The following PSMD14 variants were observed in gnomAD, a reference collection of about 807,000 sequenced individuals.
PSMD14 encodes the protein proteasome 26S subunit, non-ATPase 14.
A neutral mutation model predicts 41.2 loss-of-function variants in PSMD14; 7 were observed. The ratio of observed to expected loss-of-function variants is 0.17; its 90% CI spans 0.10 to 0.32. The LOEUF (loss-of-function observed/expected upper bound fraction) is 0.32, where lower values mean the gene tolerates loss of function less well. Among genes scored for constraint, PSMD14 ranks in the 10% least tolerant of loss-of-function variants. PSMD14 has a pLI of 1.00. For synonymous variants in PSMD14, 114 were observed against 122.3 expected (o/e 0.93, Z 0.45); for missense variants, 139 against 375.6 (o/e 0.37, Z 5.21).
intron 3 of PSMD14, among the ~76,000 whole-genome samples, chr2:161,327,229 G>A (rs1002314495): frequency 2.6e-5 from 4 of 152,152 alleles, no homozygotes; most frequent in Admixed American, 2.6e-4. Flanking sequence ...AGAATAGGGA[G>A]TTATTGTTTA....
intron 7 of PSMD14, among the ~76,000 whole-genome samples, chr2:161,379,346 G>A (rs1683544624): frequency 6.6e-6 from 1 of 151,974 alleles, no homozygotes; most frequent in Admixed American, 6.6e-5. Flanking sequence ...TCACTTGTGA[G>A]TGTAGAAACA....
intron 7 of PSMD14, chr2:161,381,650 C>G (rs1012381575): frequency 2.6e-5 from 4 of 151,698 alleles, no homozygotes; most frequent in African/African-American, 9.7e-5. Flanking sequence ...AAATAAATAG[C>G]ATATTGGATG....
intron 7 of PSMD14, among the ~76,000 whole-genome samples, chr2:161,376,183 C>T (rs1683500554): frequency 6.6e-6 from 1 of 150,582 alleles, no homozygotes; most frequent in Non-Finnish European, 1.5e-5. Context: ...AGGGGTCAGG[C>T]CTGCATTAAA....
At chr2:161,365,952 C>A (rs925615246) in intron 3 of PSMD14, among the ~76,000 whole-genome samples, 1 of 152,170 alleles carries the variant, frequency 6.6e-6, no homozygotes, top group African/African-American at 2.4e-5. Flanking sequence ...CTACTTCCCC[C>A]AAACCTCTCA....
At chr2:161,313,706 A>T (rs1364597168) in intron 1 of PSMD14, among the ~76,000 whole-genome samples, 1 of 152,220 alleles carries the variant, frequency 6.6e-6, no homozygotes, top group Non-Finnish European at 1.5e-5. Context: ...ATATCTTCAT[A>T]TATCATCCTT....
At chr2:161,367,337 A>G (rs745896083) in intron 3 of PSMD14, 141 bp from the exon 4 acceptor site, 3 of 641,508 alleles carry the variant, frequency 4.7e-6, no homozygotes, top group Non-Finnish European at 8.0e-6. Flanking sequence ...TGTTTTGATT[A>G]TGTCATAGCC....
intron 3 of PSMD14, among the ~76,000 whole-genome samples, chr2:161,345,480 C>T (rs182505452): frequency 6.6e-6 from 1 of 152,014 alleles, no homozygotes; most frequent in Admixed American, 6.5e-5. Context: ...TGACCTCAAG[C>T]AATCTGCCGA....
intron 3 of PSMD14, among the ~76,000 whole-genome samples, chr2:161,328,821 A>G (rs900522053): frequency 6.6e-5 from 10 of 152,170 alleles, no homozygotes; most frequent in Admixed American, 5.9e-4. Context: ...AGGAACTTCA[A>G]CTTTATAATG....
chr2:161,394,542 AATTC>A (rs1380264541), intron 9 of PSMD14, among the ~76,000 whole-genome samples: 6 of 152,252 alleles, frequency 3.9e-5, no homozygotes, highest in African/African-American at 9.6e-5. Context: ...AAATTTCATT[AATTC>A]ATTCATTCAT....
chr2:161,380,978 T>C (rs757223041), intron 7 of PSMD14, among the ~76,000 whole-genome samples: 5 of 152,010 alleles, frequency 3.3e-5, no homozygotes, highest in Non-Finnish European at 7.4e-5. Context: ...ATAAAGAGTA[T>C]TGGATATGGG....
intron 7 of PSMD14, among the ~76,000 whole-genome samples, chr2:161,377,037 C>T (rs1683511723): frequency 1.4e-5 from 2 of 146,314 alleles, no homozygotes; most frequent in Non-Finnish European, 3.0e-5. Context: ...AGCCAGTTTA[C>T]TCATGGACAT....
chr2:161,362,581 G>A (rs1018783131), intron 3 of PSMD14, among the ~76,000 whole-genome samples: 1 of 152,184 alleles, frequency 6.6e-6, no homozygotes, highest in African/African-American at 2.4e-5. Flanking sequence ...TACACATTTA[G>A]TAATGTATTT....
intron 3 of PSMD14, among the ~76,000 whole-genome samples, chr2:161,326,734 CCT>C (rs1393668564): frequency 6.6e-6 from 1 of 152,042 alleles, no homozygotes; most frequent in African/African-American, 2.4e-5. Flanking sequence ...GATTCTCGGA[CCT>C]CTGATGATAC....
At chr2:161,351,182 A>G (rs1683113744) in intron 3 of PSMD14, among the ~76,000 whole-genome samples, 1 of 152,204 alleles carries the variant, frequency 6.6e-6, no homozygotes, top group African/African-American at 2.4e-5. Context: ...AGAGAAGTCC[A>G]CCTATACCTT....
Position 161,371,226 on chromosome 2 carries a change from T to G in PSMD14, c.366T>G (p.Leu122=), listed in dbSNP as rs147288033. ...YHSHPGFGCW[L]SGVDINTQQS... ...GTCACCCTGGCTTTGGTTGTTGGCT[T>G]TCTGGTGTGGATATCAACACTCAGC... Residue 122 remains leucine (L), a synonymous_variant, in exon 7 of 12, where the codon CTT becomes CTG. Transcript: ENST00000409682. 373 of 1,612,768 alleles carry G rather than the reference T, an allele frequency of 2.3e-4. 1 individual carries two copies. The African/African-American group carries it at 4.2e-3, about 18-fold the overall frequency.
chr2:161,353,408 A>T (rs531676464), intron 3 of PSMD14, among the ~76,000 whole-genome samples: 17 of 152,202 alleles, frequency 1.1e-4, no homozygotes, highest in Non-Finnish European at 2.4e-4. Flanking sequence ...CAACCATTGA[A>T]ATTTAAACAG....
intron 3 of PSMD14, among the ~76,000 whole-genome samples, chr2:161,358,713 G>A (rs1258907183): frequency 6.6e-6 from 1 of 152,190 alleles, no homozygotes; most frequent in African/African-American, 2.4e-5. Flanking sequence ...GGGAGGCTGA[G>A]GCGGGTGGAT....
chr2:161,325,062 T>C (rs1037646839), intron 3 of PSMD14, among the ~76,000 whole-genome samples: 4 of 152,156 alleles, frequency 2.6e-5, no homozygotes, highest in African/African-American at 9.7e-5. Context: ...TTTCACACTG[T>C]GAAATTCTGT....
At chr2:161,383,350 A>G (rs573534618) in intron 7 of PSMD14, 1 of 152,092 alleles carries the variant, frequency 6.6e-6, no homozygotes, top group Admixed American at 6.6e-5. Context: ...TAAAGTAGTC[A>G]TTTTCTATAG....
Sources: gnomAD v4.1 joint callset for allele counts (sites outside exome capture counted in the v4.1 genomes callset) on GRCh38, gnomAD v4.1.1 for gene constraint, MANE v1.5 for transcripts, NCBI Gene and HGNC (gene_info 2026-07-23, HGNC 2026-07-21) for gene names.